Variants in DCP1A observed in about 807,000 individuals in gnomAD.
DCP1A encodes decapping mRNA 1A, also known as mRNA-decapping enzyme 1A.
Under a neutral mutation model 58.0 loss-of-function variants are expected in DCP1A, and 20 were observed. The ratio of observed to expected loss-of-function variants is 0.34; its 90% confidence interval spans 0.24 to 0.50. DCP1A has a LOEUF of 0.50. DCP1A is among the 20% of genes least tolerant of loss of function. The pLI is 0.98. For synonymous variants in DCP1A, 285 were observed against 275.1 expected, an observed-to-expected ratio of 1.04 and a Z score of -0.36; for missense variants, 613 against 712.2, an observed-to-expected ratio of 0.86 and a Z score of 1.59.
At chr3:53,312,019 T>C (rs944576680) in intron 5 of DCP1A, among the ~76,000 whole-genome samples, 1 of 151,838 alleles carries the variant, frequency 6.6e-6, no homozygotes, top group Non-Finnish European at 1.5e-5. Context: ...GGCACAATCA[T>C]AGCCCACTGC....
At chr3:53,320,784 C>T (rs1253908102) in intron 3 of DCP1A, among the ~76,000 whole-genome samples, 1 of 152,176 alleles carries the variant, frequency 6.6e-6, no homozygotes, top group Non-Finnish European at 1.5e-5. Flanking sequence ...CTGGCCCCTC[C>T]CGTCCCTGAC....
At chr3:53,343,662 A>G (rs2089249178) in intron 2 of DCP1A, among the ~76,000 whole-genome samples, 1 of 152,228 alleles carries the variant, frequency 6.6e-6, no homozygotes, top group Non-Finnish European at 1.5e-5. Flanking sequence ...CCCAGGCTGG[A>G]GTGCAGTGGC....
At chr3:53,306,168 G>T (rs1707463734) in intron 5 of DCP1A, among the ~76,000 whole-genome samples, 1 of 152,144 alleles carries the variant, frequency 6.6e-6, no homozygotes. Flanking sequence ...GATGGCATGT[G>T]TTTTTTCCCA....
At position 53,323,867 on chromosome 3, in the gene DCP1A, A is replaced by AG. The variant is rs1298195027; in HGVS notation, c.305-4395_305-4394insC. On this transcript the variant is annotated intron_variant, in intron 3 of 9. Coordinates refer to ENST00000610213, the MANE Select transcript of DCP1A (RefSeq NM_018403.7). ...ACAGAACAAGACTCTGTCTCAAAAA[A>AG]AAAAAAAAAAAAAAAGTTTATGATA... Among the ~76,000 whole-genome samples, 6 of 151,808 alleles carry AG rather than the reference A, an allele frequency of 4.0e-5. No homozygotes were observed. The East Asian group carries it at 1.2e-3, about 29-fold the overall frequency.
At chr3:53,337,148 G>A (rs1417582497) in intron 3 of DCP1A, among the ~76,000 whole-genome samples, 1 of 152,172 alleles carries the variant, frequency 6.6e-6, no homozygotes, top group Non-Finnish European at 1.5e-5. Context: ...CTGGGATACA[G>A]GCGTGAGCCA....
At position 53,338,220 on chromosome 3, in the gene DCP1A, C is replaced by A. The variant is rs1373366826; in HGVS notation, c.304+3924G>T. ...AATAACTCCAGAATTTATAACCTCC[C>A]CATAATTCATTGCAATCCCACTGGG... On this transcript the variant is annotated intron_variant, in intron 3 of 9. Coordinates refer to ENST00000610213, the MANE Select transcript of DCP1A (RefSeq NM_018403.7). 53 of 400,322 alleles carry A rather than the reference C, an allele frequency of 1.3e-4. 1 individual carries two copies. Among genetic ancestry groups the A allele is most frequent in the South Asian group, 8.7e-4 (50 of 57,436 alleles). The allele number at this position is 400,322 out of a possible 1,614,324, so 24.8% of individuals were successfully genotyped here.
At chr3:53,341,626 C>A (rs949837491) in intron 3 of DCP1A, among the ~76,000 whole-genome samples, 4 of 152,150 alleles carry the variant, frequency 2.6e-5, no homozygotes, top group Non-Finnish European at 5.9e-5. Context: ...AATAAACCGA[C>A]AACAGAAATG....
chr3:53,312,640 G>A (rs1707685219), intron 4 of DCP1A, among the ~76,000 whole-genome samples: 1 of 151,408 alleles, frequency 6.6e-6, no homozygotes, highest in African/African-American at 2.4e-5. Flanking sequence ...GGACTACAGC[G>A]CCCACCACCA....
At chr3:53,305,511 A>C (rs1707444417) in intron 5 of DCP1A, among the ~76,000 whole-genome samples, 1 of 151,694 alleles carries the variant, frequency 6.6e-6, no homozygotes, top group Admixed American at 6.6e-5. Flanking sequence ...CACCACACCC[A>C]GCTAATTTTC....
intron 7 of DCP1A, among the ~76,000 whole-genome samples, chr3:53,291,069 G>A (rs73843112): frequency 5.3e-5 from 8 of 152,118 alleles, no homozygotes; most frequent in Non-Finnish European, 7.4e-5. Flanking sequence ...AGAGCTCTGC[G>A]ACAGCCTCTC....
In DCP1A at chr3:53,318,084, G is replaced by A. The variant is rs188952745; in HGVS notation, c.371+1323C>T. ...TTTGGGAGGCCAAGGTGGGAGGAAC[G>A]CTTGAGCCTAGGACTTCAAGACCAG... On this transcript the variant is annotated intron_variant, in intron 4 of 9. Transcript: ENST00000610213. Among the ~76,000 whole-genome samples, 399 of 152,314 alleles carry A rather than the reference G, an allele frequency of 2.6e-3. 5 individuals carry two copies. Among genetic ancestry groups the A allele is most frequent in the Admixed American group, 0.021 (314 of 15,304 alleles).
intron 3 of DCP1A, among the ~76,000 whole-genome samples, chr3:53,324,023 T>C (rs1042503637): frequency 6.6e-6 from 1 of 152,186 alleles, no homozygotes; most frequent in Non-Finnish European, 1.5e-5. Flanking sequence ...TCAAAGTAAG[T>C]CCATCAAAGC....
At chr3:53,318,493 G>GA (rs1707875299) in intron 4 of DCP1A, among the ~76,000 whole-genome samples, 1 of 151,936 alleles carries the variant, frequency 6.6e-6, no homozygotes, top group Admixed American at 6.6e-5. Flanking sequence ...GGCAAAAACT[G>GA]AAAAAAAGCA....
At chr3:53,315,053 C>T (rs1023066073) in intron 4 of DCP1A, among the ~76,000 whole-genome samples, 1 of 152,110 alleles carries the variant, frequency 6.6e-6, no homozygotes, top group Non-Finnish European at 1.5e-5. Flanking sequence ...CTCACATAAA[C>T]GAGGCTTGGA....
rs559438514 is a variant in DCP1A, at chr3:53,312,796, C to T, written c.372-417G>A. 7.2e-5 allele frequency among the ~76,000 whole-genome samples: 11 copies of T among 152,214 alleles called. No homozygotes were observed. The South Asian group carries it at 2.3e-3, about 32-fold the overall frequency. On this transcript the variant is annotated intron_variant, in intron 4 of 9. Transcript: ENST00000610213. Reference sequence around the variant, plus strand: ...CTGAGCCACCGCGCCCAGCCGATTACATTATTCTTGCAATATATAACACAG... The same window carrying T: ...CTGAGCCACCGCGCCCAGCCGATTATATTATTCTTGCAATATATAACACAG...
chr3:53,327,511 C>T (rs1553690725), intron 3 of DCP1A, among the ~76,000 whole-genome samples: 2 of 152,164 alleles, frequency 1.3e-5, no homozygotes, highest in Admixed American at 6.5e-5. Context: ...AAAAGCTGGC[C>T]GGGTGCGGTG....
At chr3:53,308,066 A>G (rs982884931) in intron 5 of DCP1A, among the ~76,000 whole-genome samples, 3 of 152,324 alleles carry the variant, frequency 2.0e-5, no homozygotes, top group South Asian at 4.1e-4. Flanking sequence ...ATGTACACAA[A>G]CATACCACTT....
intron 4 of DCP1A, among the ~76,000 whole-genome samples, chr3:53,318,318 A>G (rs1344439768): frequency 6.6e-6 from 1 of 152,164 alleles, no homozygotes; most frequent in Non-Finnish European, 1.5e-5. Flanking sequence ...AAAACCAAAT[A>G]AAGTAAAATA....
At position 53,292,097 on chromosome 3, in the gene DCP1A, A is replaced by T. The variant is rs1553686061; in HGVS notation, c.1355T>A (p.Leu452Gln). The T allele has an allele frequency of 6.2e-7, 1 of 1,612,096 alleles. No homozygotes were observed. The highest frequency in any genetic ancestry group is 1.3e-5 in the African/African-American group (1 of 74,646). ...AAARVAASAS[L>Q]SNMVLAPLQS... ...AAGGGGAGCAAGCACCATGTTGCTC[A>T]GGGAGGCTGAGGCCGCCACTCTTGC... Residue 452 changes from leucine (L) to glutamine (Q), a missense_variant, in exon 7 of 10, where the codon CTG (leucine) becomes CAG (glutamine). Transcript: ENST00000610213.
Sources: allele counts gnomAD v4.1 joint callset (sites outside exome capture counted in the v4.1 genomes callset), GRCh38; gene constraint gnomAD v4.1.1; transcripts MANE v1.5; gene names NCBI Gene and HGNC (gene_info 2026-07-23, HGNC 2026-07-21).